SULF2: variants seen among roughly 807,000 people sequenced by gnomAD.
SULF2 encodes sulfatase 2.
SULF2 carries 52 observed loss-of-function variants against 107.7 expected under a neutral mutation model. The observed-to-expected ratio is 0.48, with a 90% CI of 0.39 to 0.61. SULF2 has a LOEUF of 0.61. SULF2 is among the 20% of genes least tolerant of loss of function. SULF2 has a pLI of 0.00. For synonymous variants in SULF2, 460 were observed against 464.3 expected, an observed-to-expected ratio of 0.99 and a Z score of 0.12; for missense variants, 993 against 1,177.3, an observed-to-expected ratio of 0.84 and a Z score of 2.29.
At chr20:47,690,377 A>T in intron 4 of SULF2, 82 bp from the exon 5 acceptor site, 2 of 1,139,872 alleles carry the variant, frequency 1.8e-6, no homozygotes, top group Non-Finnish European at 2.3e-6. Flanking sequence ...GCACCCTGCT[A>T]GGCACTGGGG....
chr20:47,686,853 C>T (rs548879443), intron 5 of SULF2, among the ~76,000 whole-genome samples: 2 of 152,302 alleles, frequency 1.3e-5, no homozygotes, highest in East Asian at 3.9e-4. Context: ...CCATCAGGGC[C>T]CATGCTTCCT....
chr20:47,661,341 G>A (rs1284572072), intron 18 of SULF2: 1 of 152,982 alleles, frequency 6.5e-6, no homozygotes, highest in Non-Finnish European at 1.5e-5. Flanking sequence ...CAGTCACACT[G>A]GATTCTACCA....
chr20:47,719,252 A>G (rs6066446), intron 3 of SULF2, among the ~76,000 whole-genome samples: 22,945 of 152,252 alleles, frequency 0.15, 1,953 homozygotes, highest in Non-Finnish European at 0.2. Context: ...CACAGTTTAT[A>G]AAATATTTTG....
At chr20:47,710,493 T>C (rs1225948438) in intron 3 of SULF2, among the ~76,000 whole-genome samples, 1 of 151,870 alleles carries the variant, frequency 6.6e-6, no homozygotes, top group Non-Finnish European at 1.5e-5. Context: ...CCTAGGTGTG[T>C]AGTAGGCTAT....
chr20:47,691,340 G>A (rs148546527), intron 4 of SULF2, among the ~76,000 whole-genome samples: 193 of 152,304 alleles, frequency 1.3e-3, no homozygotes, highest in African/African-American at 4.5e-3. Flanking sequence ...CAGTCAGGGA[G>A]GTCCTCTCTG....
chr20:47,742,075 C>T (rs1220825112), intron 2 of SULF2, among the ~76,000 whole-genome samples: 1 of 152,328 alleles, frequency 6.6e-6, no homozygotes, highest in East Asian at 1.9e-4. Context: ...AACAGTGCCC[C>T]GGAATGACAG....
intron 1 of SULF2, among the ~76,000 whole-genome samples, chr20:47,771,692 G>A (rs944785530): frequency 6.6e-6 from 1 of 152,066 alleles, no homozygotes; most frequent in Non-Finnish European, 1.5e-5. Context: ...GTATTGGCTT[G>A]TCAGTGGCAG....
chr20:47,710,514 C>T (rs2088892934), intron 3 of SULF2, among the ~76,000 whole-genome samples: 1 of 151,786 alleles, frequency 6.6e-6, no homozygotes, highest in African/African-American at 2.4e-5. Flanking sequence ...GCCATCCAGG[C>T]GTGTAATGCA....
intron 3 of SULF2, among the ~76,000 whole-genome samples, chr20:47,724,901 AAGGAAATTTATAGG>A (rs2089397222): frequency 6.6e-6 from 1 of 152,234 alleles, no homozygotes; most frequent in Non-Finnish European, 1.5e-5. Context: ...GTTTTCTTGA[AAGGAAATTTATAGG>A]TAACAAAAGC....
At chr20:47,699,481 T>C (rs544846678) in intron 4 of SULF2, among the ~76,000 whole-genome samples, 5 of 151,854 alleles carry the variant, frequency 3.3e-5, no homozygotes, top group Admixed American at 3.3e-4. Flanking sequence ...GAAGTACACA[T>C]GATTAAGTAT....
chr20:47,698,800 G>A (rs1377103559), intron 4 of SULF2, among the ~76,000 whole-genome samples: 1 of 152,142 alleles, frequency 6.6e-6, no homozygotes, highest in African/African-American at 2.4e-5. Context: ...GGGAGGCTGA[G>A]GTGGGTGGAT....
chr20:47,772,736 C>T lies in SULF2; in HGVS notation c.-101+12607G>A, dbSNP rs186967278. 2.9e-3 allele frequency among the ~76,000 whole-genome samples: 440 copies of T among 152,234 alleles called. 2 individuals carry two copies. Among genetic ancestry groups the T allele is most frequent in the African/African-American group, 0.01 (426 of 41,526 alleles). ...CCGACCCTCCTCCTGCCATGACCTG[C>T]TTATGATGAGATCAACGCCACTTAC... On this transcript the variant is annotated intron_variant, in intron 1 of 20. Transcript: ENST00000688720.
intron 3 of SULF2, among the ~76,000 whole-genome samples, chr20:47,727,440 C>T (rs1389244183): frequency 1.3e-5 from 2 of 152,136 alleles, no homozygotes; most frequent in Non-Finnish European, 2.9e-5. Context: ...GAAAGCGTGG[C>T]CCTGATGATG....
intron 10 of SULF2, among the ~76,000 whole-genome samples, chr20:47,674,452 G>C (rs2146457558): frequency 6.6e-6 from 1 of 152,374 alleles, no homozygotes; most frequent in South Asian, 2.1e-4. Flanking sequence ...ATACCTGCCA[G>C]ATAGGGTGGC....
At chr20:47,697,590 G>A (rs886986494) in intron 4 of SULF2, among the ~76,000 whole-genome samples, 2 of 152,146 alleles carry the variant, frequency 1.3e-5, no homozygotes, top group African/African-American at 4.8e-5. Context: ...CCCTGGACCT[G>A]AGCCAGTTCT....
At chr20:47,745,392 AAAAAAAAAAAAAAAAAAAATAT>A (rs1253282293) in intron 2 of SULF2, among the ~76,000 whole-genome samples, 6 of 15,800 alleles carry the variant, frequency 3.8e-4, no homozygotes, top group African/African-American at 2.4e-3. Context: ...GAAAAAAAAA[AAAAAAAAAAAAAAAAAAAATAT>A]ATATATATAT....
intron 1 of SULF2, among the ~76,000 whole-genome samples, chr20:47,764,663 C>G (rs553602372): frequency 1.9e-4 from 29 of 152,176 alleles, no homozygotes; most frequent in South Asian, 1.2e-3. Context: ...TTGGATGGAG[C>G]CCGAGAGAGA....
intron 3 of SULF2, among the ~76,000 whole-genome samples, chr20:47,729,162 G>A (rs1482757660): frequency 1.1e-4 from 17 of 152,048 alleles, no homozygotes; most frequent in Non-Finnish European, 2.5e-4. Flanking sequence ...GGAAAGAAGT[G>A]CAAAGCACTG....
At chr20:47,779,236 C>A (rs1250081191) in intron 1 of SULF2, among the ~76,000 whole-genome samples, 1 of 152,218 alleles carries the variant, frequency 6.6e-6, no homozygotes, top group Non-Finnish European at 1.5e-5. Context: ...GGCCTCTACC[C>A]TCTAGATGCC....
Sources: gnomAD v4.1 joint callset for allele counts (sites outside exome capture counted in the v4.1 genomes callset) on GRCh38, gnomAD v4.1.1 for gene constraint, MANE v1.5 for transcripts, NCBI Gene and HGNC (gene_info 2026-07-23, HGNC 2026-07-21) for gene names.